The following GLI4 variants were observed in gnomAD, a reference collection of about 807,000 sequenced individuals.
GLI4 encodes zinc finger protein GLI4.
A neutral mutation model predicts 30.9 loss-of-function variants in GLI4; 34 were observed. The observed-to-expected ratio is 1.10, with a 90% CI of 0.84 to 1.47. GLI4 has a LOEUF of 1.47. GLI4 is among the 40% of genes most tolerant of loss of function. The pLI is 0.00. For missense variants in GLI4, 696 were observed against 538.9 expected (o/e 1.29, Z -2.89); for synonymous variants, 277 against 236.7 (o/e 1.17, Z -1.56).
chr8:143,272,703 G>A (rs1001333794), intron 2 of GLI4, among the ~76,000 whole-genome samples: 3 of 152,210 alleles, frequency 2.0e-5, no homozygotes, highest in African/African-American at 7.2e-5. Context: ...TGGCCCGAAT[G>A]TGGGCAGGTG....
At chr8:143,275,122 C>G in intron 3 of GLI4, 1 of 1,535,774 alleles carries the variant, frequency 6.5e-7, no homozygotes, top group Non-Finnish European at 8.7e-7. Flanking sequence ...GCTGGGGCTT[C>G]TGGCTCAGGG....
chr8:143,276,131 C>A lies in GLI4; in HGVS notation c.458C>A (p.Ala153Asp), dbSNP rs1360904102. 10 of 1,533,308 alleles carry A rather than the reference C, an allele frequency of 6.5e-6. No individual in the cohort carries two copies. The highest frequency in any genetic ancestry group is 2.1e-5 in the Admixed American group (1 of 48,744). The allele number at this position is 1,533,308 out of a possible 1,614,324, so 95.0% of individuals were successfully genotyped here. Residue 153 changes from alanine (A) to aspartate (D), a missense_variant, in exon 4 of 4, where the codon GCC becomes GAC. By Grantham distance (126) the Ala-to-Asp change is moderately radical. Transcript: ENST00000340042. ...WRVTLVQQAA[A>D]GPEGAPERAA... ...GTGACGCTCGTGCAGCAAGCAGCGG[C>A]CGGGCCCGAGGGTGCGCCCGAGCGG...
chr8:143,272,196 AC>A (rs1337215066), intron 2 of GLI4, among the ~76,000 whole-genome samples: 1 of 151,852 alleles, frequency 6.6e-6, no homozygotes, highest in African/African-American at 2.4e-5. Context: ...GTTAGGGAGG[AC>A]CCCATGGGCA....
At chr8:143,268,508 C>T (rs1461577937) in intron 1 of GLI4, among the ~76,000 whole-genome samples, 1 of 152,178 alleles carries the variant, frequency 6.6e-6, no homozygotes, top group Non-Finnish European at 1.5e-5. Flanking sequence ...AGCCTGCAGT[C>T]TCTGAGGGCT....
Position 143,276,871 on chromosome 8 carries a change from G to C in GLI4, c.*67G>C. ...CCCACCCTCCACCCCGTCCCCCACG[G>C]TGGGCACTGCCCAGCACCGCATGCC... On this transcript the variant is annotated 3_prime_UTR_variant, in exon 4 of 4. Coordinates refer to ENST00000340042, the MANE Select transcript of GLI4 (RefSeq NM_138465.4). 9.7e-7 allele frequency: 1 copy of C among 1,028,840 alleles called. No homozygotes were observed. The highest frequency in any genetic ancestry group is 1.4e-6 in the Non-Finnish European group (1 of 720,062). The allele number at this position is 1,028,840 out of a possible 1,614,324, so 63.7% of individuals were successfully genotyped here. A position where few individuals can be genotyped will look rare whatever the true frequency, so the allele number is the denominator to read the frequency against.
chr8:143,272,801 G>A (rs567724873), intron 2 of GLI4, among the ~76,000 whole-genome samples: 3 of 152,254 alleles, frequency 2.0e-5, no homozygotes, highest in East Asian at 3.9e-4. Flanking sequence ...CCTAGAGAAG[G>A]TCCTAGGAAG....
Position 143,274,694 on chromosome 8 carries a change from T to C in GLI4, c.125-10T>C. 1 of 1,546,468 alleles carries C rather than the reference T, an allele frequency of 6.5e-7. No individual in the cohort carries two copies. Among genetic ancestry groups the C allele is most frequent in the Non-Finnish European group, 8.8e-7 (1 of 1,142,126 alleles). ...GGGTGGAGGTGAGCCCCAGCCTCCCTGACCCCCAGGCTCCCCTGGCTCCAG... is the reference window on the plus strand; with the variant it reads ...GGGTGGAGGTGAGCCCCAGCCTCCCCGACCCCCAGGCTCCCCTGGCTCCAG... On this transcript the variant is annotated splice_polypyrimidine_tract_variant and intron_variant, in intron 2 of 3. Transcript: ENST00000340042.
chr8:143,267,815 G>T (rs1815170962), intron 1 of GLI4: 1 of 985,392 alleles, frequency 1.0e-6, no homozygotes, highest in Middle Eastern at 5.2e-4. Context: ...CGCCGCTCCG[G>T]AGCGAGGAGC....
intron 2 of GLI4, among the ~76,000 whole-genome samples, chr8:143,273,914 G>A (rs1179591344): frequency 6.6e-6 from 1 of 152,068 alleles, no homozygotes; most frequent in Non-Finnish European, 1.5e-5. Flanking sequence ...GGAGACAGGT[G>A]AGACCCCCAA....
chr8:143,272,082 G>A (rs945586337), intron 2 of GLI4, among the ~76,000 whole-genome samples: 4 of 152,228 alleles, frequency 2.6e-5, no homozygotes, highest in Admixed American at 2.6e-4. Flanking sequence ...TTACCCAGGG[G>A]TCCTGCGAGT....
In GLI4 at chr8:143,275,954, AG is replaced by A. The variant is rs1815375178; in HGVS notation, c.286del (p.Ala96ArgfsTer9). Reference protein sequence around the residue: ...PRSPGSQAPDEGAGGALRSLL... With the variant: ...PRSPGSQAPDXGAGGALRSLL... ...TCTCCTGGCTCTCAGGCCCCTGACG[AG>A]GGGGCGGGCGGGGCGCTGCGCAGCC... On this transcript the variant is annotated frameshift_variant, in exon 4 of 4. Coordinates refer to ENST00000340042, the MANE Select transcript of GLI4 (RefSeq NM_138465.4). LOFTEE classifies it low-confidence loss of function (END_TRUNC). 3 of 1,330,110 alleles carry A rather than the reference AG, an allele frequency of 2.3e-6. No homozygotes were observed. The highest frequency in any genetic ancestry group is 2.0e-5 in the South Asian group (1 of 49,542). 82.4% of individuals were successfully genotyped at this position (1,330,110 alleles called of 1,614,324 possible). A position where few individuals can be genotyped will look rare whatever the true frequency, so the allele number is the denominator to read the frequency against.
chr8:143,267,913 G>A, intron 1 of GLI4: 1 of 985,462 alleles, frequency 1.0e-6, no homozygotes, highest in Non-Finnish European at 1.2e-6. Flanking sequence ...GCTGGGAACA[G>A]AGGGGCAGAG....
At chr8:143,272,589 T>C (rs7838836) in intron 2 of GLI4, 4,873 of 152,462 alleles carry the variant, frequency 0.032, 279 homozygotes, top group African/African-American at 0.11. Flanking sequence ...TACTTCTGCA[T>C]AGAGCCAGCA....
In GLI4 at chr8:143,276,824, TCG is replaced by T; in HGVS notation, c.*21_*22del. 1 of 1,480,132 alleles carries T rather than the reference TCG, an allele frequency of 6.8e-7. No homozygotes were observed. The highest frequency in any genetic ancestry group is 9.1e-7 in the Non-Finnish European group (1 of 1,104,726). 91.7% of individuals were successfully genotyped at this position (1,480,132 alleles called of 1,614,324 possible). ...GAGTAGCCGGGCGGGGGCTCGGGGCTCGGCCTCCTACCTGCCCCCAACCCACC... is the reference window on the plus strand; with the variant it reads ...GAGTAGCCGGGCGGGGGCTCGGGGCTGCCTCCTACCTGCCCCCAACCCACC... On this transcript the variant is annotated 3_prime_UTR_variant, in exon 4 of 4. Transcript: ENST00000340042.
Position 143,269,372 on chromosome 8 carries a change from A to C in GLI4, c.-25A>C. ...TCATTTTCCCCAGGTCCCAGGTGTG[A>C]CACCTTCAGCAGGTCTCAGGGAAGA... On this transcript the variant is annotated 5_prime_UTR_variant, in exon 2 of 4. Coordinates refer to ENST00000340042, the MANE Select transcript of GLI4 (RefSeq NM_138465.4). 6.2e-7 allele frequency: 1 copy of C among 1,607,486 alleles called. No individual in the cohort carries two copies. The highest frequency in any genetic ancestry group is 2.2e-5 in the East Asian group (1 of 44,748).
chr8:143,271,986 GTCCCCACACAGCT>G (rs1030192934), intron 2 of GLI4, among the ~76,000 whole-genome samples: 4 of 152,188 alleles, frequency 2.6e-5, no homozygotes, highest in Non-Finnish European at 4.4e-5. Flanking sequence ...GGGACTGAGG[GTCCCCACACAGCT>G]TCTCAGGGAT....
At chr8:143,269,851 C>T (rs1391222466) in intron 2 of GLI4, among the ~76,000 whole-genome samples, 1 of 152,226 alleles carries the variant, frequency 6.6e-6, no homozygotes, top group East Asian at 1.9e-4. Flanking sequence ...AGGCATCGCC[C>T]CTCTGAGTGT....
chr8:143,275,111 G>A, intron 3 of GLI4: 1 of 1,535,704 alleles, frequency 6.5e-7, no homozygotes, highest in Non-Finnish European at 8.7e-7. Flanking sequence ...ACCTGCCTTG[G>A]GCTGGGGCTT....
chr8:143,274,649 AGCGGAG>A (rs1175095892), intron 2 of GLI4, 49 bp from the exon 3 acceptor site: 1 of 1,497,616 alleles, frequency 6.7e-7, no homozygotes, highest in Non-Finnish European at 9.0e-7. Flanking sequence ...GTCAGAGAGG[AGCGGAG>A]GCAGTGGTCC....
Sources: allele counts gnomAD v4.1 joint callset (sites outside exome capture counted in the v4.1 genomes callset), GRCh38; gene constraint gnomAD v4.1.1; transcripts MANE v1.5; gene names NCBI Gene and HGNC (gene_info 2026-07-23, HGNC 2026-07-21).